ZNF331: variants seen among roughly 807,000 people sequenced by gnomAD.
The protein encoded by ZNF331 is zinc finger protein 331, also known as C2H2-like zinc finger protein rearranged in thyroid adenomas.
ZNF331 carries 2 observed loss-of-function variants against 7.0 expected under a neutral mutation model. The observed-to-expected ratio is 0.29, with a 90% CI of 0.12 to 0.90. The LOEUF (loss-of-function observed/expected upper bound fraction) is 0.90, where lower values mean the gene tolerates loss of function less well. Ranked by LOEUF, ZNF331 falls within the 40% of genes least tolerant of loss-of-function variation. The pLI, the probability that ZNF331 is intolerant of heterozygous loss-of-function variation, is 0.58. For missense variants in ZNF331, 432 were observed against 587.7 expected (o/e 0.74, Z 2.74); for synonymous variants, 196 against 205.4 (o/e 0.95, Z 0.39).
chr19:53,559,338 A>C (rs564015240), intron 3 of ZNF331, among the ~76,000 whole-genome samples: 1 of 150,150 alleles, frequency 6.7e-6, no homozygotes, highest in South Asian at 2.1e-4. Flanking sequence ...ATAGAGACAC[A>C]CACATATACA....
intron 3 of ZNF331, among the ~76,000 whole-genome samples, chr19:53,562,197 C>T (rs2089926055): frequency 6.8e-6 from 1 of 146,704 alleles, no homozygotes; most frequent in Admixed American, 6.8e-5. Flanking sequence ...ATGTTTCTTT[C>T]CCAGAACATG....
the ZNF331 span, among the ~76,000 whole-genome samples, chr19:53,506,438 C>CTCTG: frequency 1.3e-3 from 88 of 68,832 alleles, no homozygotes; most frequent in African/African-American, 4.4e-3. Context: ...CTCTCTCTCT[C>CTCTG]TCTCTGTCTC....
intron 3 of ZNF331, among the ~76,000 whole-genome samples, chr19:53,562,549 G>A (rs1168866275): frequency 6.6e-6 from 1 of 151,808 alleles, no homozygotes. Flanking sequence ...AACTAGCCAA[G>A]CATGGTGGCA....
chr19:53,570,370 AGAAAGCCTTAGGTGT>A (rs2090382894), intron 4 of ZNF331, among the ~76,000 whole-genome samples: 3 of 152,126 alleles, frequency 2.0e-5, no homozygotes, highest in Admixed American at 2.0e-4. Context: ...CCAGAATCGG[AGAAAGCCTTAGGTGT>A]TTTGGGCAAC....
Position 53,545,227 on chromosome 19 carries a change from TTCC to T in ZNF331, c.-138+5953_-138+5955del, listed in dbSNP as rs542565849. Among the ~76,000 whole-genome samples, 305 of 152,322 alleles carry T rather than the reference TTCC, an allele frequency of 2.0e-3. 4 individuals carry two copies. The highest frequency in any genetic ancestry group is 7.1e-3 in the African/African-American group (295 of 41,574). On this transcript the variant is annotated intron_variant, in intron 2 of 5. Coordinates refer to ENST00000449416, the MANE Select transcript of ZNF331 (RefSeq NM_001079906.2). ...TCTGTTTTCTTGTCTTTCTAACTGTTTCCTCCTCCTGGACCCATAAATTCCACA... is the reference window on the plus strand; with the variant it reads ...TCTGTTTTCTTGTCTTTCTAACTGTTTCCTCCTGGACCCATAAATTCCACA...
intron 2 of ZNF331, among the ~76,000 whole-genome samples, chr19:53,550,205 C>T (rs752785342): frequency 6.6e-6 from 1 of 152,252 alleles, no homozygotes; most frequent in East Asian, 1.9e-4. Context: ...GTACATGCTG[C>T]CGCTATTAGA....
intron 2 of ZNF331, among the ~76,000 whole-genome samples, chr19:53,540,182 A>G (rs188408826): frequency 4.6e-5 from 7 of 152,280 alleles, no homozygotes; most frequent in Admixed American, 1.3e-4. Context: ...TCCTTAATTT[A>G]TTCTTACCTT....
chr19:53,558,418 A>C lies in ZNF331; in HGVS notation c.-74+2510A>C, dbSNP rs1422694684. On this transcript the variant is annotated intron_variant, in intron 3 of 5. Coordinates refer to ENST00000449416, the MANE Select transcript of ZNF331 (RefSeq NM_001079906.2). The surrounding 1 kb of genome is among the most constrained non-coding windows in gnomAD (Gnocchi z 4.5). ...GCCACCTCCTGTTCAGCTGTCCAGA[A>C]GCTCTCCTCACCCTGTCTTCTTAGG... 6.6e-6 allele frequency among the ~76,000 whole-genome samples: 1 copy of C among 152,030 alleles called. No individual in the cohort carries two copies. Among genetic ancestry groups the C allele is most frequent in the African/African-American group, 2.4e-5 (1 of 41,360 alleles).
At chr19:53,514,005 G>A in the ZNF331 span, among the ~76,000 whole-genome samples, 1 of 152,058 alleles carries the variant, frequency 6.6e-6, no homozygotes, top group African/African-American at 2.4e-5. Flanking sequence ...TCCTTATCAC[G>A]CATAGGGTAT....
chr19:53,559,256 A>G (rs2089656766), intron 3 of ZNF331, among the ~76,000 whole-genome samples: 2 of 147,694 alleles, frequency 1.4e-5, no homozygotes, highest in Non-Finnish European at 3.0e-5. Context: ...CACCCCATGT[A>G]CACACACATA....
chr19:53,504,593 C>G, the ZNF331 span, among the ~76,000 whole-genome samples: 1 of 152,156 alleles, frequency 6.6e-6, no homozygotes, highest in African/African-American at 2.4e-5. Flanking sequence ...CTCTGTGTCC[C>G]TCGGAGTAGA....
At chr19:53,555,532 C>T (rs978916720) in intron 2 of ZNF331, 6 of 152,440 alleles carry the variant, frequency 3.9e-5, no homozygotes, top group African/African-American at 1.2e-4. Flanking sequence ...ACGGGAGTGC[C>T]TGAGCCCTGC....
chr19:53,556,304 A>G (rs956507572), intron 3 of ZNF331, among the ~76,000 whole-genome samples: 1 of 151,700 alleles, frequency 6.6e-6, no homozygotes, highest in Non-Finnish European at 1.5e-5. Context: ...TATCCTATCC[A>G]AGATGACGAC....
At chr19:53,567,567 C>G (rs937256202) in intron 3 of ZNF331, among the ~76,000 whole-genome samples, 1 of 152,080 alleles carries the variant, frequency 6.6e-6, no homozygotes, top group African/African-American at 2.4e-5. Flanking sequence ...TTCACTAGAG[C>G]CAGGCATGGT....
At position 53,560,149 on chromosome 19, in the gene ZNF331, A is replaced by G. The variant is rs980048929; in HGVS notation, c.-74+4241A>G. Among the ~76,000 whole-genome samples, 6 of 150,382 alleles carry G rather than the reference A, an allele frequency of 4.0e-5. No homozygotes were observed. Among genetic ancestry groups the G allele is most frequent in the Admixed American group, 4.0e-4 (6 of 15,062 alleles). ...ACACACACCATATATATACACACAT[A>G]TATACACATCCACACCATATATACA... On this transcript the variant is annotated intron_variant, in intron 3 of 5. Transcript: ENST00000449416. The surrounding 1 kb of genome is among the most constrained non-coding windows in gnomAD (Gnocchi z 4.3).
At position 53,579,647 on chromosome 19, in the gene ZNF331, A is replaced by G. The variant is rs1047437287; in HGVS notation, c.*1695A>G. On this transcript the variant is annotated 3_prime_UTR_variant, in exon 6 of 6. Coordinates refer to ENST00000449416, the MANE Select transcript of ZNF331 (RefSeq NM_001079906.2). The stretch of plus-strand genomic sequence containing the variant: ...CCCTGTGGGTGCAATGAGTCTGGAA[A>G]AGACCATTGAGTCTTCTAGAAGAAA... The G allele has an allele frequency of 4.0e-5, 8 of 200,064 alleles. No individual in the cohort carries two copies. Among genetic ancestry groups the G allele is most frequent in the African/African-American group, 1.8e-4 (8 of 43,490 alleles). The allele number at this position is 200,064 out of a possible 1,614,324, so 12.4% of individuals were successfully genotyped here. A position where few individuals can be genotyped will look rare whatever the true frequency, so the allele number is the denominator to read the frequency against.
At chr19:53,514,649 CT>C (rs2086854276), upstream of ZNF331, among the ~76,000 whole-genome samples, 1 of 120,100 alleles carries the variant, frequency 8.3e-6, no homozygotes, top group Non-Finnish European at 1.7e-5. Flanking sequence ...TTGAAGCCTT[CT>C]CCTTTTTTTT....
chr19:53,555,619 G>C (rs1158133786), intron 2 of ZNF331: 2 of 152,336 alleles, frequency 1.3e-5, no homozygotes, highest in African/African-American at 4.8e-5. Flanking sequence ...TCCACTCAGG[G>C]CGCCTGAGTG....
chr19:53,556,197 C>T (rs1220400745), intron 3 of ZNF331, among the ~76,000 whole-genome samples: 3 of 143,582 alleles, frequency 2.1e-5, no homozygotes, highest in Admixed American at 7.3e-5. Context: ...GAGCCGAGAT[C>T]GCACCGCTTC....
Sources: allele counts gnomAD v4.1 joint callset (sites outside exome capture counted in the v4.1 genomes callset), GRCh38; gene constraint gnomAD v4.1.1; non-coding constraint Gnocchi (gnomAD v3.1); transcripts MANE v1.5; gene names NCBI Gene and HGNC (gene_info 2026-07-23, HGNC 2026-07-21).